EPHA2: variants seen among roughly 807,000 people sequenced by gnomAD.
EPHA2 encodes the protein EPH receptor A2.
EPHA2 carries 54 observed loss-of-function variants against 104.9 expected under a neutral mutation model. The observed-to-expected ratio is 0.51, with a 90% CI of 0.41 to 0.65. EPHA2 has a LOEUF of 0.65. Among genes scored for constraint, EPHA2 ranks in the 30% least tolerant of loss-of-function variants. EPHA2 has a pLI of 0.00. For synonymous variants in EPHA2, 560 were observed against 559.1 expected, an observed-to-expected ratio of 1.00 and a Z score of -0.02; for missense variants, 1,117 against 1,369.5, an observed-to-expected ratio of 0.82 and a Z score of 2.91.
At chr1:16,136,829 G>A (rs1243674611) in intron 5 of EPHA2, among the ~76,000 whole-genome samples, 2 of 146,402 alleles carry the variant, frequency 1.4e-5, no homozygotes, top group Non-Finnish European at 3.0e-5. Flanking sequence ...ACGGAGTTTC[G>A]CTCTTGTTGC....
chr1:16,152,129 A>C (rs1215589100), intron 1 of EPHA2, among the ~76,000 whole-genome samples: 2 of 152,214 alleles, frequency 1.3e-5, no homozygotes, highest in Non-Finnish European at 2.9e-5. Flanking sequence ...GGTGGGGGTA[A>C]AGAAACCAAG....
At position 16,134,462 on chromosome 1, in the gene EPHA2, A is replaced by G; in HGVS notation, c.1682+6T>C. Reference sequence around the variant, plus strand: ...ATGTGGAGCCAGGGTATGGGCTCTGACGAACCTGCGGTGGATAAAGAAGCC... The same window carrying G: ...ATGTGGAGCCAGGGTATGGGCTCTGGCGAACCTGCGGTGGATAAAGAAGCC... On this transcript the variant is annotated splice_donor_region_variant and intron_variant, in intron 8 of 16. Coordinates refer to ENST00000358432, the MANE Select transcript of EPHA2 (RefSeq NM_004431.5). The surrounding 1 kb of genome is among the most constrained non-coding windows in gnomAD (Gnocchi z 4.5). 1 of 1,613,980 alleles carries G rather than the reference A, an allele frequency of 6.2e-7. No homozygotes were observed.
rs1187867985 is a variant in EPHA2, at chr1:16,150,354, AC to A, written c.153+541del. ...CCAGCCCCTGCCCCCATTCCTGGTC[AC>A]ATCAGGACGGCATAGAGGGGAAGAC... On this transcript the variant is annotated intron_variant, in intron 2 of 16. Coordinates refer to ENST00000358432, the MANE Select transcript of EPHA2 (RefSeq NM_004431.5). This position sits in a 1 kb window ranked among gnomAD's most constrained non-coding sequence, Gnocchi z 4.8. 6.6e-6 allele frequency among the ~76,000 whole-genome samples: 1 copy of A among 152,188 alleles called. No individual in the cohort carries two copies. Among genetic ancestry groups the A allele is most frequent in the Non-Finnish European group, 1.5e-5 (1 of 68,024 alleles).
chr1:16,126,447 C>T (rs1374487342), intron 16 of EPHA2, among the ~76,000 whole-genome samples: 1 of 152,218 alleles, frequency 6.6e-6, no homozygotes, highest in Non-Finnish European at 1.5e-5. Flanking sequence ...AGCCCCGGCA[C>T]AGGCGCAGAG....
Position 16,133,513 on chromosome 1 carries a change from G to A in EPHA2, c.1832C>T (p.Ser611Phe), listed in dbSNP as rs768536686. 6.2e-7 allele frequency: 1 copy of A among 1,614,136 alleles called. No homozygotes were observed. Among genetic ancestry groups the A allele is most frequent in the East Asian group, 2.2e-5 (1 of 44,888 alleles). ...GATCACCTTCTGCCGAGTGACACAGGATGGATGGATCTCGGTAGTGAACTT... is the reference window on the plus strand; with the variant it reads ...GATCACCTTCTGCCGAGTGACACAGAATGGATGGATCTCGGTAGTGAACTT... ...VLKFTTEIHPSCVTRQKVIGA... is the reference protein window; with the variant it reads ...VLKFTTEIHPFCVTRQKVIGA... The change falls in exon 10 of 17, where the codon TCC (serine) becomes TTC (phenylalanine). Residue 611 changes from serine (S) to phenylalanine (F), a missense_variant. Ser to Phe is a radical substitution (Grantham distance 155). Coordinates refer to ENST00000358432, the MANE Select transcript of EPHA2 (RefSeq NM_004431.5).
chr1:16,129,427 G>A lies in EPHA2; in HGVS notation c.2825+7C>T, dbSNP rs762775147. On this transcript the variant is annotated splice_region_variant and intron_variant, in intron 16 of 16. Transcript: ENST00000358432. ...GGCGAGGGGGGACGGAAAGGGGCCT[G>A]ACTTACTCGTTGGTCATCTGCACCA... 3 of 1,612,506 alleles carry A rather than the reference G, an allele frequency of 1.9e-6. No individual in the cohort carries two copies. Among genetic ancestry groups the A allele is most frequent in the Non-Finnish European group, 2.5e-6 (3 of 1,179,980 alleles).
Position 16,150,729 on chromosome 1 carries a change from C to T in EPHA2, c.153+167G>A, listed in dbSNP as rs1340961336. ...ACGCCCATCCAGCCCTGGCCTGGGC[C>T]GGCTGACTCTGAGCCTGGTGTGAGA... On this transcript the variant is annotated intron_variant, in intron 2 of 16. Transcript: ENST00000358432. This position sits in a 1 kb window ranked among gnomAD's most constrained non-coding sequence, Gnocchi z 4.8. Among the ~76,000 whole-genome samples, 3 of 152,314 alleles carry T rather than the reference C, an allele frequency of 2.0e-5. No homozygotes were observed. Among genetic ancestry groups the T allele is most frequent in the East Asian group, 1.9e-4 (1 of 5,180 alleles).
chr1:16,126,431 T>C (rs1490257210), intron 16 of EPHA2, among the ~76,000 whole-genome samples: 1 of 152,152 alleles, frequency 6.6e-6, no homozygotes, highest in Non-Finnish European at 1.5e-5. Context: ...TCCCACAGGC[T>C]CCGGGAGCCC....
At position 16,130,444 on chromosome 1, in the gene EPHA2, C is replaced by A. The variant is rs532260565; in HGVS notation, c.2476-25G>T. ...CCTGGCGGGGCACGAAGGTCAGGGGCGCTGTTGCAGAAAGCCACTGAAACC... is the reference window on the plus strand; with the variant it reads ...CCTGGCGGGGCACGAAGGTCAGGGGAGCTGTTGCAGAAAGCCACTGAAACC... On this transcript the variant is annotated intron_variant, in intron 14 of 16. Transcript: ENST00000358432. This position sits in a 1 kb window ranked among gnomAD's most constrained non-coding sequence, Gnocchi z 4.5. The A allele has an allele frequency of 6.5e-7, 1 of 1,527,188 alleles. No homozygotes were observed. 94.6% of individuals were successfully genotyped at this position (1,527,188 alleles called of 1,614,324 possible). A position where few individuals can be genotyped will look rare whatever the true frequency, so the allele number is the denominator to read the frequency against.
Position 16,135,364 on chromosome 1 carries a change from A to C in EPHA2, c.1429-175T>G, listed in dbSNP as rs960232016. 6.6e-6 allele frequency among the ~76,000 whole-genome samples: 1 copy of C among 152,234 alleles called. No individual in the cohort carries two copies. Among genetic ancestry groups the C allele is most frequent in the Non-Finnish European group, 1.5e-5 (1 of 68,032 alleles). On this transcript the variant is annotated intron_variant, in intron 6 of 16. Coordinates refer to ENST00000358432, the MANE Select transcript of EPHA2 (RefSeq NM_004431.5). The surrounding 1 kb of genome is among the most constrained non-coding windows in gnomAD (Gnocchi z 4.3). ...GGAATTAAGTGACTCACTCAAGGTC[A>C]GAACCACTAAATGCATGAGCCAGGA...
At chr1:16,155,824 G>GGTCC in intron 1 of EPHA2, 24 bp downstream of exon 1, 1 of 1,407,964 alleles carries the variant, frequency 7.1e-7, no homozygotes, top group Non-Finnish European at 9.2e-7. Flanking sequence ...GGGGGCCAGG[G>GGTCC]GTCCAGACGC....
chr1:16,149,143 G>A lies in EPHA2; in HGVS notation c.154-96C>T, dbSNP rs1174080737. The A allele has an allele frequency of 8.2e-6, 11 of 1,344,020 alleles. No individual in the cohort carries two copies. The East Asian group carries it at 1.4e-4, about 17-fold the overall frequency. 83.3% of individuals were successfully genotyped at this position (1,344,020 alleles called of 1,614,324 possible). On this transcript the variant is annotated intron_variant, in intron 2 of 16. Transcript: ENST00000358432. ...GCACTAGGAAGATGCTTTCCAGTTC[G>A]TGCTCTCCGGGTTCTACGGTGAAGG...
chr1:16,145,519 G>A (rs2024916974), intron 3 of EPHA2, among the ~76,000 whole-genome samples: 1 of 152,160 alleles, frequency 6.6e-6, no homozygotes, highest in Non-Finnish European at 1.5e-5. Context: ...CTCGCTCTGG[G>A]TCTGGTTTGT....
intron 3 of EPHA2, among the ~76,000 whole-genome samples, chr1:16,139,265 C>T (rs1206263643): frequency 1.3e-5 from 2 of 152,212 alleles, no homozygotes; most frequent in African/African-American, 4.8e-5. Context: ...TGCCCAGACA[C>T]AGGGCTCACG....
At position 16,128,606 on chromosome 1, in the gene EPHA2, AT is replaced by A. The variant is rs1315018242; in HGVS notation, c.2825+827del. On this transcript the variant is annotated intron_variant, in intron 16 of 16. Coordinates refer to ENST00000358432, the MANE Select transcript of EPHA2 (RefSeq NM_004431.5). The surrounding 1 kb of genome is among the most constrained non-coding windows in gnomAD (Gnocchi z 4.7). ...AGCTGGGTTGTTGAAACTGGCCACT[AT>A]TTTTAGAGGCACAAAAGGCTAAGAG... Among the ~76,000 whole-genome samples, 2 of 152,134 alleles carry A rather than the reference AT, an allele frequency of 1.3e-5. No homozygotes were observed. Among genetic ancestry groups the A allele is most frequent in the Non-Finnish European group, 2.9e-5 (2 of 68,022 alleles).
rs998773077 is a variant in EPHA2 at position 16,155,986 on chromosome 1, G to A, written c.-54C>T. ...CCCCGAGCCCGGCTCCCGCACACCC[G>A]CACGCCTGCACGCCGGCCTCGGTGT... On this transcript the variant is annotated 5_prime_UTR_variant, in exon 1 of 17. Transcript: ENST00000358432. The A allele has an allele frequency of 2.2e-6, 3 of 1,374,494 alleles. No homozygotes were observed. Among genetic ancestry groups the A allele is most frequent in the Admixed American group, 3.2e-5 (1 of 30,984 alleles). 85.1% of individuals were successfully genotyped at this position (1,374,494 alleles called of 1,614,324 possible). A position where few individuals can be genotyped will look rare whatever the true frequency, so the allele number is the denominator to read the frequency against.
chr1:16,125,104 G>A lies in EPHA2; in HGVS notation c.*111C>T, dbSNP rs1200989700. ...CCCTCAGCGGAAGTTGCAGGGGGAG[G>A]AAAGAACTAGAAATAAATAAAGTCC... On this transcript the variant is annotated 3_prime_UTR_variant, in exon 17 of 17. Coordinates refer to ENST00000358432, the MANE Select transcript of EPHA2 (RefSeq NM_004431.5). This position sits in a 1 kb window ranked among gnomAD's most constrained non-coding sequence, Gnocchi z 4.9. The A allele has an allele frequency of 3.9e-6, 4 of 1,024,112 alleles. No individual in the cohort carries two copies. In the Admixed American group the frequency reaches 6.0e-5, roughly 15 times the overall value. The allele number at this position is 1,024,112 out of a possible 1,614,324, so 63.4% of individuals were successfully genotyped here. A position where few individuals can be genotyped will look rare whatever the true frequency, so the allele number is the denominator to read the frequency against.
At chr1:16,142,126 C>T (rs1475061870) in intron 3 of EPHA2, among the ~76,000 whole-genome samples, 1 of 152,222 alleles carries the variant, frequency 6.6e-6, no homozygotes, top group Non-Finnish European at 1.5e-5. Context: ...CAGCAAACTC[C>T]TATGCATCCT....
rs2024630958 is a variant in EPHA2 at position 16,133,918 on chromosome 1, G to GA, written c.1683-4dup. On this transcript the variant is annotated splice_region_variant and splice_polypyrimidine_tract_variant and intron_variant, in intron 8 of 16. Coordinates refer to ENST00000358432, the MANE Select transcript of EPHA2 (RefSeq NM_004431.5). ...GGCGGGCACGCTGGTTCTTCCTCCT[G>GA]AAAGAGCCCCACGGGGAACCAAATG... The GA allele has an allele frequency of 6.4e-7, 1 of 1,550,826 alleles. No homozygotes were observed. The highest frequency in any genetic ancestry group is 8.7e-7 in the Non-Finnish European group (1 of 1,146,548).
Sources: allele counts gnomAD v4.1 joint callset (sites outside exome capture counted in the v4.1 genomes callset), GRCh38; gene constraint gnomAD v4.1.1; non-coding constraint Gnocchi (gnomAD v3.1); transcripts MANE v1.5; gene names NCBI Gene and HGNC (gene_info 2026-07-23, HGNC 2026-07-21).